CAST: variants seen among roughly 807,000 people sequenced by gnomAD.
CAST encodes calpastatin, also known as MIR583 host.
A neutral mutation model predicts 119.6 loss-of-function variants in CAST; 76 were observed. That is an observed-to-expected ratio of 0.64 (90% CI 0.53 to 0.77). The LOEUF is 0.77. Ranked by LOEUF, CAST falls within the 30% of genes least tolerant of loss-of-function variation. The pLI, the probability that CAST is intolerant of heterozygous loss-of-function variation, is 0.00. For missense variants in CAST, 953 were observed against 946.5 expected (o/e 1.01, Z -0.09); for synonymous variants, 319 against 331.6 (o/e 0.96, Z 0.41).
At chr5:96,632,667 AGCGCTATTT>A in intron 1 of CAST, among the ~76,000 whole-genome samples, 3 of 150,546 alleles carry the variant, frequency 2.0e-5, no homozygotes. Context: ...CAGTGGTCTC[AGCGCTATTT>A]GTCGAAAAGA....
At chr5:96,634,530 A>G (rs10476555) in intron 1 of CAST, among the ~76,000 whole-genome samples, 24,031 of 152,178 alleles carry the variant, frequency 0.16, 2,937 homozygotes, top group African/African-American at 0.35. Flanking sequence ...ATAGGGGACC[A>G]GAGAATTGGA....
the CAST span, among the ~76,000 whole-genome samples, chr5:96,512,518 G>A: frequency 6.6e-6 from 1 of 152,198 alleles, no homozygotes; most frequent in African/African-American, 2.4e-5. Context: ...CTGACGGATA[G>A]TGGTCTCTTT....
the CAST span, among the ~76,000 whole-genome samples, chr5:96,280,728 T>C: frequency 4.6e-5 from 7 of 152,212 alleles, no homozygotes; most frequent in Non-Finnish European, 1.0e-4. Context: ...AAAATACCAG[T>C]AGAACAGAAC....
the CAST span, among the ~76,000 whole-genome samples, chr5:96,025,581 TCAAA>T: frequency 6.6e-6 from 1 of 151,986 alleles, no homozygotes; most frequent in Non-Finnish European, 1.5e-5. Flanking sequence ...AAATGGTGAG[TCAAA>T]CACTCTCAGA....
At chr5:96,234,997 G>A in the CAST span, among the ~76,000 whole-genome samples, 17 of 152,238 alleles carry the variant, frequency 1.1e-4, no homozygotes, top group African/African-American at 3.1e-4. Context: ...TGGGAACTTC[G>A]TTACCTGAAT....
intron 1 of CAST, among the ~76,000 whole-genome samples, chr5:96,541,694 A>G (rs1745916368): frequency 6.6e-6 from 1 of 152,158 alleles, no homozygotes; most frequent in Admixed American, 6.5e-5. Context: ...CTTTTCCAGA[A>G]TGTCACATAA....
At chr5:96,115,171 T>C in the CAST span, among the ~76,000 whole-genome samples, 1 of 152,238 alleles carries the variant, frequency 6.6e-6, no homozygotes, top group South Asian at 2.1e-4. Flanking sequence ...TTGTAAGTCC[T>C]TGACAAGCTC....
the CAST span, among the ~76,000 whole-genome samples, chr5:96,449,991 G>T: frequency 6.6e-6 from 1 of 152,150 alleles, no homozygotes; most frequent in Non-Finnish European, 1.5e-5. Flanking sequence ...TGCCTGAAAT[G>T]TACCCCCATA....
At chr5:96,258,001 G>T in the CAST span, among the ~76,000 whole-genome samples, 4 of 152,112 alleles carry the variant, frequency 2.6e-5, no homozygotes, top group East Asian at 7.7e-4. Flanking sequence ...AGCCACTAAA[G>T]GCTCAGCATG....
chr5:96,212,882 C>T, the CAST span, among the ~76,000 whole-genome samples: 1 of 152,062 alleles, frequency 6.6e-6, no homozygotes, highest in Non-Finnish European at 1.5e-5. Flanking sequence ...CTTTTGGAGG[C>T]CAAGGTAGGA....
At chr5:96,646,956 G>T (rs1748021459) in intron 1 of CAST, among the ~76,000 whole-genome samples, 1 of 152,166 alleles carries the variant, frequency 6.6e-6, no homozygotes, top group South Asian at 2.1e-4. Flanking sequence ...CCTCTCTGTT[G>T]CGGACTACCA....
chr5:96,390,005 T>TTA, the CAST span, among the ~76,000 whole-genome samples: 1 of 152,210 alleles, frequency 6.6e-6, no homozygotes, highest in Non-Finnish European at 1.5e-5. Flanking sequence ...CACACTTAGC[T>TTA]GCTTTACTCT....
chr5:96,515,052 G>T, the CAST span, among the ~76,000 whole-genome samples: 1 of 152,148 alleles, frequency 6.6e-6, no homozygotes, highest in Non-Finnish European at 1.5e-5. Context: ...TGCACGGCCA[G>T]TGCTATTTCT....
the CAST span, among the ~76,000 whole-genome samples, chr5:96,035,069 G>GTATA: frequency 1.8e-4 from 24 of 131,336 alleles, no homozygotes; most frequent in African/African-American, 5.1e-4. Flanking sequence ...ATATATTTAA[G>GTATA]TATATATATA....
chr5:96,124,678 C>T, the CAST span, among the ~76,000 whole-genome samples: 1 of 152,108 alleles, frequency 6.6e-6, no homozygotes, highest in African/African-American at 2.4e-5. Flanking sequence ...GAGCTTCTTA[C>T]ATAGTTATTT....
chr5:96,317,795 T>G, the CAST span, among the ~76,000 whole-genome samples: 82 of 152,160 alleles, frequency 5.4e-4, no homozygotes, highest in East Asian at 0.014. Context: ...CCTTGGAGGA[T>G]CTTATGGGTG....
At position 96,649,422 on chromosome 5, in the gene CAST, A is replaced by G. The variant is rs573618270; in HGVS notation, c.61-26117A>G. 1.1e-4 allele frequency among the ~76,000 whole-genome samples: 16 copies of G among 152,328 alleles called. No individual in the cohort carries two copies. The Middle Eastern group carries it at 0.01, about 97-fold the overall frequency. On this transcript the variant is annotated intron_variant, in intron 1 of 11. Coordinates refer to the CAST transcript ENST00000505143. ...TGCTATTCACATAAGTCGAATAATGAGACAGCCCTGGGAATGTAACCTCTC... is the reference window on the plus strand; with the variant it reads ...TGCTATTCACATAAGTCGAATAATGGGACAGCCCTGGGAATGTAACCTCTC...
chr5:96,208,968 A>G, the CAST span, among the ~76,000 whole-genome samples: 1 of 152,002 alleles, frequency 6.6e-6, no homozygotes, highest in Admixed American at 6.6e-5. Context: ...GTCTCTTCAC[A>G]GGTCTCTAAC....
the CAST span, among the ~76,000 whole-genome samples, chr5:96,209,642 G>A: frequency 8.1e-5 from 12 of 148,932 alleles, no homozygotes; most frequent in Admixed American, 1.3e-4. Flanking sequence ...GAATATAACC[G>A]CACCCCCCGC....
Sources: gnomAD v4.1 joint callset for allele counts (sites outside exome capture counted in the v4.1 genomes callset) on GRCh38, gnomAD v4.1.1 for gene constraint, MANE v1.5 for transcripts, NCBI Gene and HGNC (gene_info 2026-07-23, HGNC 2026-07-21) for gene names.